The following C15orf39 variants were observed in gnomAD, a reference collection of about 807,000 sequenced individuals.
The protein encoded by C15orf39 is PRMT2 interacting protein.
C15orf39 carries 24 observed loss-of-function variants against 53.9 expected under a neutral mutation model. The ratio of observed to expected loss-of-function variants is 0.45; its 90% CI spans 0.32 to 0.63. C15orf39 has a LOEUF of 0.63. Ranked by LOEUF, C15orf39 falls within the 20% of genes least tolerant of loss-of-function variation. The pLI, the probability that C15orf39 is intolerant of heterozygous loss-of-function variation, is 0.04. For synonymous variants in C15orf39, 569 were observed against 576.5 expected (o/e 0.99, Z 0.19); for missense variants, 1,271 against 1,347.9 (o/e 0.94, Z 0.89).
chr15:75,210,551 GAT>G lies in C15orf39; in HGVS notation c.2777-196_2777-195del, dbSNP rs1390394282. Among the ~76,000 whole-genome samples the G allele has an allele frequency of 9.2e-5, 14 of 152,336 alleles. No homozygotes were observed. The South Asian group carries it at 2.9e-3, about 32-fold the overall frequency. On this transcript the variant is annotated intron_variant, in intron 2 of 2. Transcript: ENST00000394987. ...CCTCTCCTGAGTGGTGCCCTCATCA[GAT>G]AGAGTTCTGGTGTCACCTGGGGAGA...
chr15:75,208,675 C>T lies in C15orf39; in HGVS notation c.2627C>T (p.Thr876Ile). ...GAGCATCGTGTGGAGCTGCGGCCCA[C>T]CACGCTGTCGGAGGAGCGGGCACTG... Reference protein sequence around the residue: ...LQEHRVELRPTTLSEERALRE... With the variant: ...LQEHRVELRPITLSEERALRE... The change falls in exon 2 of 3, where the codon ACC becomes ATC. Residue 876 changes from threonine (T) to isoleucine (I), a missense_variant. Around this residue, in one of 2 missense-constraint regions of C15orf39, gnomAD observed 277 missense variants for 354.1 expected, o/e 0.78. Coordinates refer to ENST00000394987, the MANE Select transcript of C15orf39 (RefSeq NM_015492.5). The T allele has an allele frequency of 6.2e-7, 1 of 1,607,594 alleles. No homozygotes were observed. The highest frequency in any genetic ancestry group is 8.5e-7 in the Non-Finnish European group (1 of 1,178,872).
rs141167493 is a variant in C15orf39, at chr15:75,210,777, G to A, written c.2805G>A (p.Val935=). ...ACTTTGACACTGAGGCTGGAGCTGT[G>A]TCCTCCTCAGAGCCCACTGTGGCCA... ...LGDFDTEAGA[V]SSSEPTVARG... is the part of the protein sequence containing the mutation. The change falls in exon 3 of 3, where the codon GTG becomes GTA. Residue 935 remains valine, a synonymous_variant. Transcript: ENST00000394987. The A allele has an allele frequency of 6.2e-7, 1 of 1,611,454 alleles. No individual in the cohort carries two copies. The highest frequency in any genetic ancestry group is 8.5e-7 in the Non-Finnish European group (1 of 1,178,054).
rs527380769 is a variant in C15orf39 at position 75,206,132 on chromosome 15, G to T, written c.84G>T (p.Glu28Asp). The change falls in exon 2 of 3, where the codon GAG (glutamate) becomes GAT (aspartate). Residue 28 changes from glutamate (E) to aspartate (D), a missense_variant. Physicochemically the swap from Glu to Asp is conservative, Grantham distance 45. Coordinates refer to ENST00000394987, the MANE Select transcript of C15orf39 (RefSeq NM_015492.5). ...LPRLETDSGL[E>D]HSLPHSVGNQ... The stretch of plus-strand genomic sequence containing the variant: ...GCTTAGAGACAGACTCCGGGCTCGA[G>T]CACAGCCTGCCCCACTCTGTTGGTA... 8 of 1,613,910 alleles carry T rather than the reference G, an allele frequency of 5.0e-6. No homozygotes were observed. In the South Asian group the frequency reaches 6.6e-5, roughly 13 times the overall value.
chr15:75,203,279 C>G (rs914208164), intron 1 of C15orf39, among the ~76,000 whole-genome samples: 2 of 152,244 alleles, frequency 1.3e-5, no homozygotes, highest in African/African-American at 4.8e-5. Context: ...GGGCTCTTCT[C>G]CGGGACCCTG....
intron 2 of C15orf39, chr15:75,209,039 C>T (rs1595956543): frequency 1.3e-6 from 1 of 789,440 alleles, no homozygotes; most frequent in East Asian, 3.0e-5. Context: ...CTGAACATGC[C>T]AGCTGCTCTG....
chr15:75,210,347 G>A (rs1430060722), intron 2 of C15orf39, among the ~76,000 whole-genome samples: 1 of 152,178 alleles, frequency 6.6e-6, no homozygotes, highest in East Asian at 1.9e-4. Flanking sequence ...ACCTGGGCTC[G>A]GCCTCGGGCT....
Position 75,212,006 on chromosome 15 carries a change from G to A in C15orf39, c.*890G>A, listed in dbSNP as rs3743210. On this transcript the variant is annotated 3_prime_UTR_variant, in exon 3 of 3. Coordinates refer to ENST00000394987, the MANE Select transcript of C15orf39 (RefSeq NM_015492.5). ...GAAGATCTGGACTGAGGACCCTGCT[G>A]CTCCCCAAGCCAGAGCCCATCAGCC... 0.92 allele frequency: 140,239 copies of A among 152,216 alleles called. 65,286 individuals are homozygous for A. Among genetic ancestry groups the A allele is most frequent in the Non-Finnish European group, 0.99 (67,600 of 68,056 alleles). 9.4% of individuals were successfully genotyped at this position (152,216 alleles called of 1,614,324 possible). A position where few individuals can be genotyped will look rare whatever the true frequency, so the allele number is the denominator to read the frequency against.
At position 75,211,333 on chromosome 15, in the gene C15orf39, T is replaced by A; in HGVS notation, c.*217T>A. The A allele has an allele frequency of 3.7e-6, 2 of 540,792 alleles. No individual in the cohort carries two copies. The highest frequency in any genetic ancestry group is 6.1e-6 in the Non-Finnish European group (2 of 327,502). The allele number at this position is 540,792 out of a possible 1,614,324, so 33.5% of individuals were successfully genotyped here. ...ATAGGACTACTCCCTATTTCTTGCC[T>A]AGAGAACACACATGGGCTTTGGAGC... On this transcript the variant is annotated 3_prime_UTR_variant, in exon 3 of 3. Coordinates refer to ENST00000394987, the MANE Select transcript of C15orf39 (RefSeq NM_015492.5).
upstream of C15orf39, chr15:75,201,766 C>T (rs1306609664): frequency 6.6e-6 from 1 of 152,100 alleles, no homozygotes; most frequent in Non-Finnish European, 1.5e-5. This position sits in a 1 kb window ranked among gnomAD's most constrained non-coding sequence, Gnocchi z 4.7. Flanking sequence ...CACGCGGGCC[C>T]TCCGCACCCG....
In C15orf39 at chr15:75,208,320, G is replaced by A. The variant is rs1290198078; in HGVS notation, c.2272G>A (p.Ala758Thr). The change falls in exon 2 of 3, where the codon GCC (alanine) becomes ACC (threonine). Residue 758 changes from alanine to threonine, a missense_variant. Around this residue, in one of 2 missense-constraint regions of C15orf39, gnomAD observed 994 missense variants for 993.7 expected, o/e 1.00. Transcript: ENST00000394987. ...AGGCCCTGCTCCAGCATCTACTTCAGCCCCAGGGGACTCCCTGGAGCAGCA... is the reference window on the plus strand; with the variant it reads ...AGGCCCTGCTCCAGCATCTACTTCAACCCCAGGGGACTCCCTGGAGCAGCA... ...VAGPAPASTS[A>T]PGDSLEQHFT... is the part of the protein sequence containing the mutation. 6.3e-7 allele frequency: 1 copy of A among 1,576,770 alleles called. No individual in the cohort carries two copies. Among genetic ancestry groups the A allele is most frequent in the East Asian group, 2.3e-5 (1 of 42,556 alleles).
At chr15:75,203,097 G>T (rs1001991001) in intron 1 of C15orf39, among the ~76,000 whole-genome samples, 4 of 152,264 alleles carry the variant, frequency 2.6e-5, no homozygotes, top group African/African-American at 7.2e-5. Context: ...CACTCGGCGA[G>T]GCCCGATCCA....
At chr15:75,201,300 C>A (rs1350278023), upstream of C15orf39, among the ~76,000 whole-genome samples, 2 of 152,170 alleles carry the variant, frequency 1.3e-5, no homozygotes, top group African/African-American at 4.8e-5. This position sits in a 1 kb window ranked among gnomAD's most constrained non-coding sequence, Gnocchi z 4.7. Flanking sequence ...CTTTGCAAAT[C>A]CCCCAGCACC....
intron 2 of C15orf39, chr15:75,209,602 C>T (rs2070469285): frequency 6.6e-6 from 1 of 152,244 alleles, no homozygotes; most frequent in African/African-American, 2.4e-5. Flanking sequence ...TGTATGATCA[C>T]ACTTCTTCAG....
rs1456056928 is a variant in C15orf39, at chr15:75,211,853, C to G, written c.*737C>G. 6.6e-6 allele frequency: 1 copy of G among 152,292 alleles called. No individual in the cohort carries two copies. Among genetic ancestry groups the G allele is most frequent in the Non-Finnish European group, 1.5e-5 (1 of 68,106 alleles). 9.4% of individuals were successfully genotyped at this position (152,292 alleles called of 1,614,324 possible). A position where few individuals can be genotyped will look rare whatever the true frequency, so the allele number is the denominator to read the frequency against. On this transcript the variant is annotated 3_prime_UTR_variant, in exon 3 of 3. Transcript: ENST00000394987. Reference sequence around the variant, plus strand: ...CTGTCCTGAATTGACATCAGTGCTTCCCTGAACTGCCTCCCCCACCCCTGG... The same window carrying G: ...CTGTCCTGAATTGACATCAGTGCTTGCCTGAACTGCCTCCCCCACCCCTGG...
At chr15:75,200,735 C>A (rs1283548777), upstream of C15orf39, among the ~76,000 whole-genome samples, 1 of 152,126 alleles carries the variant, frequency 6.6e-6, no homozygotes, top group Non-Finnish European at 1.5e-5. Flanking sequence ...AAAGCCCCAA[C>A]CCTCTCTGAG....
At chr15:75,204,952 AC>A (rs2141596607) in intron 1 of C15orf39, among the ~76,000 whole-genome samples, 1 of 152,188 alleles carries the variant, frequency 6.6e-6, no homozygotes, top group Non-Finnish European at 1.5e-5. Flanking sequence ...GTGCTGCAGC[AC>A]CATCTGCTGG....
chr15:75,204,960 C>T (rs1415239322), intron 1 of C15orf39, among the ~76,000 whole-genome samples: 1 of 152,194 alleles, frequency 6.6e-6, no homozygotes, highest in Non-Finnish European at 1.5e-5. Flanking sequence ...GCACCATCTG[C>T]TGGGCTGCCC....
In C15orf39 at chr15:75,208,328, G is replaced by T; in HGVS notation, c.2280G>T (p.Gly760=). 1 of 1,577,912 alleles carries T rather than the reference G, an allele frequency of 6.3e-7. No individual in the cohort carries two copies. The highest frequency in any genetic ancestry group is 8.6e-7 in the Non-Finnish European group (1 of 1,161,488). ...GPAPASTSAP[G]DSLEQHFTGL... ...CTCCAGCATCTACTTCAGCCCCAGG[G>T]GACTCCCTGGAGCAGCATTTTACAG... Residue 760 remains glycine, a synonymous_variant, in exon 2 of 3, where the codon GGG becomes GGT. Transcript: ENST00000394987.
In C15orf39 at chr15:75,206,417, A is replaced by G. The variant is rs1032116878; in HGVS notation, c.369A>G (p.Pro123=). Residue 123 remains proline (P), a synonymous_variant, in exon 2 of 3, where the codon CCA becomes CCG. Transcript: ENST00000394987. ...TCAGTCCCCAGGCTCACTCCTACCC[A>G]GGCCCACCACTGGCAGCACCCAAAC... ...LPFSPQAHSY[P]GPPLAAPKPV... 6.2e-7 allele frequency: 1 copy of G among 1,613,960 alleles called. No individual in the cohort carries two copies. The highest frequency in any genetic ancestry group is 1.1e-5 in the South Asian group (1 of 91,072).
Sources: allele counts gnomAD v4.1 joint callset (sites outside exome capture counted in the v4.1 genomes callset), GRCh38; gene constraint gnomAD v4.1.1; regional missense constraint gnomAD v4.1.1; non-coding constraint Gnocchi (gnomAD v3.1); transcripts MANE v1.5; gene names NCBI Gene and HGNC (gene_info 2026-07-23, HGNC 2026-07-21).